DCHS2: variants seen among roughly 807,000 people sequenced by gnomAD.
The protein encoded by DCHS2 is protocadherin-23.
DCHS2 carries 142 observed loss-of-function variants against 182.4 expected under a neutral mutation model. The ratio of observed to expected loss-of-function variants is 0.78; its 90% confidence interval spans 0.68 to 0.89. The LOEUF is 0.89. DCHS2 is among the 40% of genes least tolerant of loss of function. The pLI, the probability that DCHS2 is intolerant of heterozygous loss-of-function variation, is 0.00. For synonymous variants in DCHS2, 1,740 were observed against 1,663.3 expected (o/e 1.05, Z -1.12); for missense variants, 4,319 against 4,198.6 (o/e 1.03, Z -0.79).
Position 154,330,457 on chromosome 4 carries a change from C to T in DCHS2, c.3731-747G>A, listed in dbSNP as rs148868321. On this transcript the variant is annotated intron_variant, in intron 5 of 19. Transcript: ENST00000357232. ...TAACTTTCCTCATGTGTCAGCCATG[C>T]AGACCCAGGCATAACATCTAAGTGC... Among the ~76,000 whole-genome samples, 1,275 of 152,238 alleles carry T rather than the reference C, an allele frequency of 8.4e-3. 8 individuals carry two copies. Among genetic ancestry groups the T allele is most frequent in the Non-Finnish European group, 0.013 (892 of 68,026 alleles).
chr4:154,410,365 C>T (rs187569161), intron 1 of DCHS2, among the ~76,000 whole-genome samples: 25 of 141,330 alleles, frequency 1.8e-4, no homozygotes, highest in Admixed American at 7.3e-4. Context: ...AAACATTCAA[C>T]GAATAATATA....
chr4:154,328,079 A>G lies in DCHS2; in HGVS notation c.4018+14T>C. 1 of 1,573,154 alleles carries G rather than the reference A, an allele frequency of 6.4e-7. No homozygotes were observed. Among genetic ancestry groups the G allele is most frequent in the South Asian group, 1.2e-5 (1 of 84,586 alleles). ...CCTAAAAGTTCTTAATCCCGTATGA[A>G]CAGTAAGTTTTACCTGAAGATACTG... On this transcript the variant is annotated intron_variant, in intron 7 of 19. Coordinates refer to ENST00000357232, the MANE Select transcript of DCHS2 (RefSeq NM_001358235.2).
chr4:154,291,730 T>C (rs2111262235), intron 13 of DCHS2, among the ~76,000 whole-genome samples: 1 of 151,152 alleles, frequency 6.6e-6, no homozygotes, highest in East Asian at 2.0e-4. Flanking sequence ...CACTTATTTG[T>C]AGGGGCTAAA....
chr4:154,454,214 T>C (rs1734665231), intron 1 of DCHS2, among the ~76,000 whole-genome samples: 1 of 152,084 alleles, frequency 6.6e-6, no homozygotes, highest in Non-Finnish European at 1.5e-5. Flanking sequence ...CAAAAGAAAT[T>C]GTTTTAATCA....
Position 154,332,750 on chromosome 4 carries a change from G to T in DCHS2, c.3458C>A (p.Thr1153Asn). The change falls in exon 5 of 20, where the codon ACC (threonine) becomes AAC (asparagine). Residue 1153 changes from threonine to asparagine, a missense_variant. Coordinates refer to ENST00000357232, the MANE Select transcript of DCHS2 (RefSeq NM_001358235.2). ...YLRRQFDYESTQTYNFRVFAW... is the reference protein window; with the variant it reads ...YLRRQFDYESNQTYNFRVFAW... ...AAACACTCTAAAATTATATGTTTGG[G>T]TGGATTCATAGTCAAACTGTCGCCG... is the stretch of plus-strand genomic sequence containing the variant. The T allele has an allele frequency of 6.2e-7, 1 of 1,614,202 alleles. No homozygotes were observed. Among genetic ancestry groups the T allele is most frequent in the Non-Finnish European group, 8.5e-7 (1 of 1,180,046 alleles).
chr4:154,381,569 T>C (rs1731170860), intron 1 of DCHS2, among the ~76,000 whole-genome samples: 1 of 152,102 alleles, frequency 6.6e-6, no homozygotes, highest in South Asian at 2.1e-4. Flanking sequence ...CTGGAACTGA[T>C]AAACAACTTC....
intron 5 of DCHS2, chr4:154,331,559 C>A (rs751277594): frequency 1.9e-6 from 3 of 1,587,774 alleles, no homozygotes; most frequent in Non-Finnish European, 2.6e-6. Context: ...CTGTGAAAAC[C>A]CTCCATCTGC....
chr4:154,380,008 G>A (rs1393082691), intron 1 of DCHS2, among the ~76,000 whole-genome samples: 1 of 151,992 alleles, frequency 6.6e-6, no homozygotes. Flanking sequence ...TAATTTAATG[G>A]GTTAATTCGA....
At chr4:154,370,699 G>A (rs2110785080) in intron 2 of DCHS2, among the ~76,000 whole-genome samples, 1 of 152,308 alleles carries the variant, frequency 6.6e-6, no homozygotes, top group South Asian at 2.1e-4. Flanking sequence ...ACGCAGGTAG[G>A]TTAGTGGATT....
chr4:154,374,630 T>A (rs1338937158), intron 2 of DCHS2, among the ~76,000 whole-genome samples: 1 of 152,210 alleles, frequency 6.6e-6, no homozygotes, highest in African/African-American at 2.4e-5. Context: ...TAAAGGGCTG[T>A]ACTTCATGTT....
chr4:154,452,659 C>A (rs1734586338), intron 1 of DCHS2, among the ~76,000 whole-genome samples: 1 of 147,914 alleles, frequency 6.8e-6, no homozygotes, highest in South Asian at 2.2e-4. Flanking sequence ...CAAAAAAAAA[C>A]TGTTAAAGGT....
At position 154,407,290 on chromosome 4, in the gene DCHS2, G is replaced by T. The variant is rs1404385421; in HGVS notation, c.2053-29846C>A. Among the ~76,000 whole-genome samples, 4 of 152,118 alleles carry T rather than the reference G, an allele frequency of 2.6e-5. No individual in the cohort carries two copies. The East Asian group carries it at 7.7e-4, about 29-fold the overall frequency. Reference sequence around the variant, plus strand: ...GGACCTTAACTTCTATTTCTCCCAGGTATCTTGTATACGATCTCTGTTAAT... The same window carrying T: ...GGACCTTAACTTCTATTTCTCCCAGTTATCTTGTATACGATCTCTGTTAAT... On this transcript the variant is annotated intron_variant, in intron 1 of 19. Transcript: ENST00000357232.
intron 3 of DCHS2, among the ~76,000 whole-genome samples, chr4:154,355,347 T>C (rs920649014): frequency 6.6e-6 from 1 of 151,682 alleles, no homozygotes; most frequent in Non-Finnish European, 1.5e-5. Flanking sequence ...GCTATGACAG[T>C]TTACAAATGC....
intron 1 of DCHS2, among the ~76,000 whole-genome samples, chr4:154,422,945 A>G (rs1393924593): frequency 6.6e-6 from 1 of 152,202 alleles, no homozygotes; most frequent in Admixed American, 6.6e-5. Flanking sequence ...GTACACACTC[A>G]GAGCACCCAA....
At chr4:154,351,991 T>G (rs576129359) in intron 3 of DCHS2, among the ~76,000 whole-genome samples, 64 of 152,158 alleles carry the variant, frequency 4.2e-4, no homozygotes, top group African/African-American at 1.5e-3. Flanking sequence ...ATCACAGTTA[T>G]AGCTAGGTGC....
chr4:154,397,315 T>C (rs1201800675), intron 1 of DCHS2, among the ~76,000 whole-genome samples: 1 of 152,206 alleles, frequency 6.6e-6, no homozygotes, highest in East Asian at 1.9e-4. Flanking sequence ...GATTGTTTTC[T>C]CTATTTCTTT....
intron 13 of DCHS2, among the ~76,000 whole-genome samples, chr4:154,289,074 A>T (rs1265621671): frequency 6.6e-6 from 1 of 152,064 alleles, no homozygotes; most frequent in African/African-American, 2.4e-5. Context: ...AATAACAAAG[A>T]TCAGAACAAC....
intron 15 of DCHS2, among the ~76,000 whole-genome samples, chr4:154,257,856 C>T (rs930923699): frequency 6.6e-6 from 1 of 152,182 alleles, no homozygotes; most frequent in Admixed American, 6.5e-5. Context: ...ACAAGTCTGC[C>T]ATAATTTGAA....
At chr4:154,276,762 C>CA (rs1281261204) in intron 13 of DCHS2, among the ~76,000 whole-genome samples, 1 of 152,148 alleles carries the variant, frequency 6.6e-6, no homozygotes, top group Admixed American at 6.5e-5. Context: ...ACATATGTTC[C>CA]AAAAAGCCTT....
Sources: gnomAD v4.1 joint callset for allele counts (sites outside exome capture counted in the v4.1 genomes callset) on GRCh38, gnomAD v4.1.1 for gene constraint, MANE v1.5 for transcripts, NCBI Gene and HGNC (gene_info 2026-07-23, HGNC 2026-07-21) for gene names.